MYO16: variants seen among roughly 807,000 people sequenced by gnomAD.
MYO16 encodes the protein unconventional myosin-XVI.
MYO16 carries 94 observed loss-of-function variants against 205.3 expected under a neutral mutation model. That is an observed-to-expected ratio of 0.46 (90% confidence interval 0.39 to 0.54). MYO16 has a LOEUF of 0.54. MYO16 is among the 20% of genes least tolerant of loss of function. MYO16 has a pLI of 0.00. For missense variants in MYO16, 2,315 were observed against 2,387.5 expected (o/e 0.97, Z 0.63); for synonymous variants, 988 against 954.0 (o/e 1.04, Z -0.66).
chr13:108,689,387 T>A lies in MYO16; in HGVS notation c.292+23238T>A, dbSNP rs1882805083. 3.3e-5 allele frequency among the ~76,000 whole-genome samples: 5 copies of A among 152,154 alleles called. No homozygotes were observed. In the South Asian group the frequency reaches 1.0e-3, roughly 32 times the overall value. On this transcript the variant is annotated intron_variant, in intron 2 of 34. Transcript: ENST00000457511. ...ACATTTAGTTATCTATGTCCATGTTTGCCTTTAAATACATATACAGACATT... is the reference window on the plus strand; with the variant it reads ...ACATTTAGTTATCTATGTCCATGTTAGCCTTTAAATACATATACAGACATT...
chr13:109,021,266 A>G (rs1167186445), intron 23 of MYO16, among the ~76,000 whole-genome samples: 1 of 152,138 alleles, frequency 6.6e-6, no homozygotes, highest in African/African-American at 2.4e-5. Flanking sequence ...ACCACAGAAA[A>G]GAGTTACTAA....
intron 16 of MYO16, among the ~76,000 whole-genome samples, chr13:108,953,052 G>A (rs1271064555): frequency 6.6e-6 from 1 of 151,990 alleles, no homozygotes; most frequent in Non-Finnish European, 1.5e-5. Flanking sequence ...GGAAGTCCAT[G>A]ACCCATTACC....
chr13:108,777,407 A>G (rs1322537015), intron 4 of MYO16, among the ~76,000 whole-genome samples: 2 of 152,246 alleles, frequency 1.3e-5, no homozygotes, highest in African/African-American at 4.8e-5. Flanking sequence ...CAACAGATAT[A>G]GGAAGCAGCC....
Position 109,140,677 on chromosome 13 carries a change from G to C in MYO16, c.4465G>C (p.Glu1489Gln), listed in dbSNP as rs773396664. 61 of 1,483,376 alleles carry C rather than the reference G, an allele frequency of 4.1e-5. No homozygotes were observed. The highest frequency in any genetic ancestry group is 5.2e-5 in the Non-Finnish European group (58 of 1,120,784). The allele number at this position is 1,483,376 out of a possible 1,614,324, so 91.9% of individuals were successfully genotyped here. ...CCTGCTCCACCGCGCGCCGGAGGAC[G>C]AGGCGGCGGGGCCCCCAGGGGACGC... Reference protein sequence around the residue: ...PPLLHRAPEDEAAGPPGDACD... With the variant: ...PPLLHRAPEDQAAGPPGDACD... Residue 1489 changes from glutamate to glutamine, a missense_variant, in exon 32 of 35, where the codon GAG (glutamate) becomes CAG (glutamine). Glu to Gln is a conservative substitution (Grantham distance 29). This residue lies in a region of MYO16 where 1,097 missense variants were observed against 1,092.0 expected (regional missense o/e 1.00). Coordinates refer to ENST00000457511, the MANE Select transcript of MYO16 (RefSeq NM_001198950.3). This position sits in a 1 kb window ranked among gnomAD's most constrained non-coding sequence, Gnocchi z 8.0.
intron 1 of MYO16, among the ~76,000 whole-genome samples, chr13:108,621,266 A>G (rs1225790993): frequency 6.6e-6 from 1 of 152,068 alleles, no homozygotes; most frequent in Non-Finnish European, 1.5e-5. Flanking sequence ...CTGATTCATG[A>G]CTGTTGCATG....
chr13:109,114,484 A>G (rs1162702378), intron 28 of MYO16, among the ~76,000 whole-genome samples: 7 of 152,184 alleles, frequency 4.6e-5, no homozygotes, highest in Non-Finnish European at 1.0e-4. Flanking sequence ...TCTCTAAAAC[A>G]TACCTTTTTC....
chr13:108,780,047 G>A (rs1242768744), intron 4 of MYO16: 2 of 152,186 alleles, frequency 1.3e-5, no homozygotes, highest in Non-Finnish European at 2.9e-5. Flanking sequence ...GGATTACCAT[G>A]GTGGGGTAAG....
At chr13:108,733,857 T>A (rs1243093220) in intron 4 of MYO16, among the ~76,000 whole-genome samples, 3 of 152,114 alleles carry the variant, frequency 2.0e-5, no homozygotes, top group East Asian at 3.9e-4. Context: ...TAGTCCCAGC[T>A]ACTCGGGAGG....
chr13:108,914,655 C>T (rs1341182545), intron 16 of MYO16, among the ~76,000 whole-genome samples: 1 of 152,082 alleles, frequency 6.6e-6, no homozygotes, highest in Non-Finnish European at 1.5e-5. Flanking sequence ...GCTGTAATTC[C>T]CTTTTTTTTC....
intron 34 of MYO16, among the ~76,000 whole-genome samples, chr13:109,185,223 A>C (rs1879633076): frequency 5.3e-5 from 8 of 152,222 alleles, no homozygotes; most frequent in Admixed American, 3.9e-4. Context: ...GGTAACAACA[A>C]TTTCAATATT....
intron 28 of MYO16, among the ~76,000 whole-genome samples, chr13:109,104,795 A>G (rs1490145418): frequency 2.0e-5 from 3 of 152,168 alleles, no homozygotes; most frequent in Admixed American, 6.6e-5. Flanking sequence ...CACAGTTTAC[A>G]GTATACCGAG....
chr13:108,764,953 C>A (rs965934375), intron 4 of MYO16, among the ~76,000 whole-genome samples: 2 of 152,072 alleles, frequency 1.3e-5, no homozygotes, highest in African/African-American at 2.4e-5. Flanking sequence ...GAAATATTTT[C>A]TCAATAAATA....
At chr13:108,530,261 C>A in the MYO16 span, among the ~76,000 whole-genome samples, 1 of 152,074 alleles carries the variant, frequency 6.6e-6, no homozygotes, top group African/African-American at 2.4e-5. Context: ...AGTCGAAGGA[C>A]GAATTACTGG....
At chr13:109,016,776 T>TG (rs891127952) in intron 22 of MYO16, among the ~76,000 whole-genome samples, 3 of 151,738 alleles carry the variant, frequency 2.0e-5, no homozygotes, top group Non-Finnish European at 4.4e-5. Flanking sequence ...ACACAAGTAT[T>TG]GCAAATGCTG....
intron 16 of MYO16, among the ~76,000 whole-genome samples, chr13:108,912,641 T>A (rs868839428): frequency 6.6e-6 from 1 of 152,096 alleles, no homozygotes; most frequent in African/African-American, 2.4e-5. Context: ...ATTTTCTACC[T>A]TGAACATCGC....
chr13:109,141,372 A>C lies in MYO16; in HGVS notation c.5160A>C (p.Ala1720=), dbSNP rs7986595. The change falls in exon 32 of 35, where the codon GCA becomes GCC. Residue 1720 remains alanine (A), a synonymous_variant. Transcript: ENST00000457511. This position sits in a 1 kb window ranked among gnomAD's most constrained non-coding sequence, Gnocchi z 4.1. ...CGGCGGGAAGAAAAATCAGGGAAGC[A>C]GAAGGTAAGCGGAGCAGACATCCCC... The part of the protein sequence containing the change: ...KSAAGRKIRE[A]EGFETNMNIS... The C allele has an allele frequency of 0.99, 1,506,738 of 1,521,412 alleles. 747,158 individuals are homozygous for C. Among genetic ancestry groups the C allele is most frequent in the East Asian group, 1 (39,750 of 39,750 alleles). 94.2% of individuals were successfully genotyped at this position (1,521,412 alleles called of 1,614,324 possible).
chr13:108,822,228 C>T (rs75184006), intron 8 of MYO16, among the ~76,000 whole-genome samples: 3,133 of 152,228 alleles, frequency 0.021, 46 homozygotes, highest in Non-Finnish European at 0.033. Flanking sequence ...TAAATTTAAT[C>T]TCCCAAAGTA....
Position 109,008,986 on chromosome 13 carries a change from A to T in MYO16, c.2532A>T (p.Gly844=). The change falls in exon 22 of 35, where the codon GGA becomes GGT. Residue 844 remains glycine (G), a synonymous_variant. Coordinates refer to ENST00000457511, the MANE Select transcript of MYO16 (RefSeq NM_001198950.3). ...AGCAAGTGGAATGTGTACAAGAGGG[A>T]GTTACCATGGAAACAGCATATTCTC... The part of the protein sequence containing the change: ...LHEQVECVQE[G]VTMETAYSPG... 1.2e-6 allele frequency: 2 copies of T among 1,611,038 alleles called. No homozygotes were observed. The highest frequency in any genetic ancestry group is 8.5e-7 in the Non-Finnish European group (1 of 1,178,940).
In MYO16 at chr13:109,177,351, C is replaced by G. The variant is rs564680701; in HGVS notation, c.5324-2191C>G. On this transcript the variant is annotated intron_variant, in intron 33 of 34. Transcript: ENST00000457511. Reference sequence around the variant, plus strand: ...CTTCGTTCTTCCTTGTATTTCTCAGCGCCTTATGCAGCGGTTGCTCATAAA... The same window carrying G: ...CTTCGTTCTTCCTTGTATTTCTCAGGGCCTTATGCAGCGGTTGCTCATAAA... Among the ~76,000 whole-genome samples the G allele has an allele frequency of 2.0e-5, 3 of 152,136 alleles. No homozygotes were observed. In the South Asian group the frequency reaches 6.2e-4, roughly 32 times the overall value.
Sources: allele counts gnomAD v4.1 joint callset (sites outside exome capture counted in the v4.1 genomes callset), GRCh38; gene constraint gnomAD v4.1.1; regional missense constraint gnomAD v4.1.1; non-coding constraint Gnocchi (gnomAD v3.1); transcripts MANE v1.5; gene names NCBI Gene and HGNC (gene_info 2026-07-23, HGNC 2026-07-21).